METTL16: variants seen among roughly 807,000 people sequenced by gnomAD.
The protein encoded by METTL16 is methyltransferase 16, RNA N6-adenosine.
In METTL16, 19 loss-of-function variants were observed where a neutral mutation model predicts 57.9. That is an observed-to-expected ratio of 0.33 (90% CI 0.23 to 0.48). The LOEUF is 0.48. Ranked by LOEUF, METTL16 falls within the 20% of genes least tolerant of loss-of-function variation. The pLI, the probability that METTL16 is intolerant of heterozygous loss-of-function variation, is 0.99. For synonymous variants in METTL16, 246 were observed against 255.6 expected (o/e 0.96, Z 0.36); for missense variants, 434 against 691.5 (o/e 0.63, Z 4.18).
chr17:2,445,533 C>T (rs745987315), intron 6 of METTL16, among the ~76,000 whole-genome samples: 21 of 152,108 alleles, frequency 1.4e-4, no homozygotes, highest in Non-Finnish European at 2.9e-4. Context: ...CGCCTGTAAT[C>T]CCAGCACTTT....
chr17:2,477,553 G>A, intron 3 of METTL16, 133 bp downstream of exon 3: 2 of 679,236 alleles, frequency 2.9e-6, no homozygotes, highest in South Asian at 3.8e-5. Context: ...TTCGGATTAA[G>A]GATGCTCAAC....
intron 8 of METTL16, among the ~76,000 whole-genome samples, chr17:2,435,210 T>A (rs2066900897): frequency 6.6e-6 from 1 of 152,178 alleles, no homozygotes; most frequent in Non-Finnish European, 1.5e-5. Context: ...TTTTTCAGCA[T>A]TCAGCACCAA....
At chr17:2,502,102 G>T in intron 2 of METTL16, 102 bp downstream of exon 2, 2 of 1,263,676 alleles carry the variant, frequency 1.6e-6, no homozygotes, top group Non-Finnish European at 2.2e-6. Flanking sequence ...CGCATGGGAC[G>T]TTTAATCAAA....
chr17:2,457,283 A>G (rs2067117840), intron 6 of METTL16, among the ~76,000 whole-genome samples: 3 of 141,018 alleles, frequency 2.1e-5, no homozygotes, highest in African/African-American at 8.2e-5. Flanking sequence ...GGTTGCAGTG[A>G]GCCGAGATCG....
At chr17:2,456,132 T>G (rs1439894726) in intron 6 of METTL16, among the ~76,000 whole-genome samples, 1 of 152,212 alleles carries the variant, frequency 6.6e-6, no homozygotes, top group African/African-American at 2.4e-5. Flanking sequence ...TGGGAAATGT[T>G]CCTTCATGTT....
rs1293127525 is a variant in METTL16 at position 2,421,051 on chromosome 17, G to T, written c.889-147C>A. On this transcript the variant is annotated intron_variant, in intron 8 of 9. Coordinates refer to ENST00000263092, the MANE Select transcript of METTL16 (RefSeq NM_024086.4). The stretch of plus-strand genomic sequence containing the variant: ...ACACAAAGGGTTTTGTGTGTGTTAT[G>T]TCCAGCACTTAAAACAACCCTGCAA... The T allele has an allele frequency of 4.5e-6, 4 of 884,298 alleles. No individual in the cohort carries two copies. In the Admixed American group the frequency reaches 1.1e-4, roughly 23 times the overall value. 54.8% of individuals were successfully genotyped at this position (884,298 alleles called of 1,614,324 possible).
chr17:2,480,365 C>A (rs1393783721), intron 2 of METTL16, among the ~76,000 whole-genome samples: 1 of 152,022 alleles, frequency 6.6e-6, no homozygotes, highest in Non-Finnish European at 1.5e-5. Flanking sequence ...TGCTTCCAGA[C>A]ACTAACTTAT....
At chr17:2,493,417 T>C (rs2067416477) in intron 2 of METTL16, among the ~76,000 whole-genome samples, 1 of 150,368 alleles carries the variant, frequency 6.7e-6, no homozygotes, top group African/African-American at 2.4e-5. Flanking sequence ...ACTGACAGAA[T>C]TAAATACAAA....
chr17:2,495,365 A>T (rs2151577428), intron 2 of METTL16, among the ~76,000 whole-genome samples: 1 of 152,138 alleles, frequency 6.6e-6, no homozygotes, highest in South Asian at 2.1e-4. Context: ...TTTGGGATTG[A>T]TGAGAGGAGG....
intron 8 of METTL16, among the ~76,000 whole-genome samples, chr17:2,437,901 A>G (rs1004876016): frequency 1.3e-5 from 2 of 152,178 alleles, no homozygotes; most frequent in African/African-American, 4.8e-5. Flanking sequence ...AAAAATCACT[A>G]TGTTGTACAG....
intron 4 of METTL16, among the ~76,000 whole-genome samples, chr17:2,473,177 CA>C (rs1297782414): frequency 1.3e-5 from 2 of 151,994 alleles, no homozygotes; most frequent in African/African-American, 4.8e-5. Context: ...ACTCAACAAA[CA>C]AACAAAAAAC....
At chr17:2,480,769 A>C (rs1225324319) in intron 2 of METTL16, among the ~76,000 whole-genome samples, 20 of 152,238 alleles carry the variant, frequency 1.3e-4, no homozygotes, top group Admixed American at 1.3e-3. Context: ...AGACCATAGA[A>C]TAAAATACAT....
rs186092886 is a variant in METTL16 at position 2,422,852 on chromosome 17, C to T, written c.889-1948G>A. On this transcript the variant is annotated intron_variant, in intron 8 of 9. Transcript: ENST00000263092. Reference sequence around the variant, plus strand: ...TACAAAAATTAGCCGGGTGTGGTGGCCGCGCCTGTAATTCCAGCTACTCGG... The same window carrying T: ...TACAAAAATTAGCCGGGTGTGGTGGTCGCGCCTGTAATTCCAGCTACTCGG... Among the ~76,000 whole-genome samples the T allele has an allele frequency of 3.1e-5, 4 of 128,622 alleles. No individual in the cohort carries two copies. The East Asian group carries it at 9.4e-4, about 30-fold the overall frequency. The allele number at this position is 128,622 out of a possible 152,430, so 84.4% of individuals were successfully genotyped here. A position where few individuals can be genotyped will look rare whatever the true frequency, so the allele number is the denominator to read the frequency against.
At chr17:2,497,305 C>CTTGTTTTTT in intron 2 of METTL16, among the ~76,000 whole-genome samples, 1 of 63,786 alleles carries the variant, frequency 1.6e-5, no homozygotes, top group East Asian at 4.5e-4. Flanking sequence ...TGCACCCGGC[C>CTTGTTTTTT]TTTTTTTTTT....
At chr17:2,462,997 G>A (rs8070402) in intron 6 of METTL16, among the ~76,000 whole-genome samples, 24,702 of 152,144 alleles carry the variant, frequency 0.16, 6,552 homozygotes, top group African/African-American at 0.55. Context: ...GAAGTCAAGC[G>A]AGACAAATAG....
chr17:2,419,715 G>A lies in METTL16; in HGVS notation c.*255C>T, dbSNP rs1419305543. ...AGCTTGAGCCAGCTTGCAATCCCTC[G>A]GGAGTTTACTGAGGGCTTTCTGTTG... On this transcript the variant is annotated 3_prime_UTR_variant, in exon 10 of 10. Transcript: ENST00000263092. The A allele has an allele frequency of 1.8e-5, 12 of 649,450 alleles. No homozygotes were observed. In the East Asian group the frequency reaches 2.8e-4, roughly 15 times the overall value. The allele number at this position is 649,450 out of a possible 1,614,324, so 40.2% of individuals were successfully genotyped here. A position where few individuals can be genotyped will look rare whatever the true frequency, so the allele number is the denominator to read the frequency against.
At chr17:2,486,137 A>G (rs71229461) in intron 2 of METTL16, among the ~76,000 whole-genome samples, 3 of 152,212 alleles carry the variant, frequency 2.0e-5, no homozygotes, top group African/African-American at 2.4e-5. Flanking sequence ...ATATAGTTCA[A>G]GGTGAAGCTG....
intron 2 of METTL16, among the ~76,000 whole-genome samples, chr17:2,488,671 A>G (rs1345598165): frequency 2.6e-5 from 4 of 152,210 alleles, no homozygotes; most frequent in Admixed American, 2.6e-4. Flanking sequence ...GCGAGTCAAA[A>G]ACAACAAATA....
chr17:2,465,379 T>TA lies in METTL16; in HGVS notation c.586-1030dup, dbSNP rs919558452. 4.7e-4 allele frequency among the ~76,000 whole-genome samples: 70 copies of TA among 148,896 alleles called. No homozygotes were observed. In the South Asian group the frequency reaches 6.2e-3, roughly 13 times the overall value. On this transcript the variant is annotated intron_variant, in intron 5 of 9. Coordinates refer to ENST00000263092, the MANE Select transcript of METTL16 (RefSeq NM_024086.4). ...TAACAAAGTGAAACCCCATCTCTACTAAAAAAAAATACAAAAAATTAGCTG... is the reference window on the plus strand; with the variant it reads ...TAACAAAGTGAAACCCCATCTCTACTAAAAAAAAAATACAAAAAATTAGCTG...
Sources: allele counts gnomAD v4.1 joint callset (sites outside exome capture counted in the v4.1 genomes callset), GRCh38; gene constraint gnomAD v4.1.1; transcripts MANE v1.5; gene names NCBI Gene and HGNC (gene_info 2026-07-23, HGNC 2026-07-21).